The following BMP6 variants were observed in gnomAD, a reference collection of about 807,000 sequenced individuals.
The protein encoded by BMP6 is VG-1-R.
BMP6 carries 17 observed loss-of-function variants against 54.1 expected under a neutral mutation model. The observed-to-expected ratio is 0.31, with a 90% confidence interval of 0.22 to 0.47. The LOEUF (loss-of-function observed/expected upper bound fraction) is 0.47, where lower values mean the gene tolerates loss of function less well. Among genes scored for constraint, BMP6 ranks in the 20% least tolerant of loss-of-function variants. The probability of loss-of-function intolerance (pLI) is 1.00; values close to 1 mark genes in which losing one functional copy is unlikely to be tolerated. For synonymous variants in BMP6, 328 were observed against 291.2 expected (o/e 1.13, Z -1.28); for missense variants, 720 against 690.4 (o/e 1.04, Z -0.48).
chr6:7,814,495 TTTC>T, intron 1 of BMP6, among the ~76,000 whole-genome samples: 1 of 152,346 alleles, frequency 6.6e-6, no homozygotes. Context: ...GAGTGTTTTT[TTTC>T]TTCTTTCACA....
intron 2 of BMP6, among the ~76,000 whole-genome samples, chr6:7,853,146 G>A (rs536531767): frequency 1.3e-5 from 2 of 152,126 alleles, no homozygotes; most frequent in Non-Finnish European, 1.5e-5. Flanking sequence ...TCTCCCTGAG[G>A]TCTTGACCCA....
chr6:7,838,142 A>G (rs1758903455), intron 1 of BMP6, among the ~76,000 whole-genome samples: 1 of 152,032 alleles, frequency 6.6e-6, no homozygotes, highest in South Asian at 2.1e-4. Context: ...AGTATAGTAT[A>G]GTAAGATATT....
chr6:7,742,992 G>A (rs1757292358), intron 1 of BMP6, among the ~76,000 whole-genome samples: 1 of 152,152 alleles, frequency 6.6e-6, no homozygotes, highest in Non-Finnish European at 1.5e-5. Flanking sequence ...AGGATATAGT[G>A]TAGTCTTAGG....
chr6:7,757,014 C>A (rs1757524874), intron 1 of BMP6, among the ~76,000 whole-genome samples: 1 of 152,182 alleles, frequency 6.6e-6, no homozygotes, highest in Non-Finnish European at 1.5e-5. Flanking sequence ...GGAGCGCTCT[C>A]TCTATGTAGC....
At chr6:7,774,577 G>A (rs919524743) in intron 1 of BMP6, among the ~76,000 whole-genome samples, 1 of 152,026 alleles carries the variant, frequency 6.6e-6, no homozygotes, top group Non-Finnish European at 1.5e-5. Flanking sequence ...TTAGCCAGGT[G>A]TGGTGGCACA....
At position 7,801,916 on chromosome 6, in the gene BMP6, C is replaced by T. The variant is rs141133379; in HGVS notation, c.665-43224C>T. 5.3e-5 allele frequency among the ~76,000 whole-genome samples: 8 copies of T among 152,232 alleles called. No individual in the cohort carries two copies. In the South Asian group the frequency reaches 1.0e-3, roughly 20 times the overall value. ...GGTCCTATACTACAATTGATGAATC[C>T]GGTCAGCTTGCTCTAGGTCAGGGAG... On this transcript the variant is annotated intron_variant, in intron 1 of 6. Coordinates refer to ENST00000283147, the MANE Select transcript of BMP6 (RefSeq NM_001718.6).
intron 1 of BMP6, among the ~76,000 whole-genome samples, chr6:7,799,124 G>T (rs1490711388): frequency 6.6e-6 from 1 of 152,164 alleles, no homozygotes; most frequent in African/African-American, 2.4e-5. Context: ...CCAAGGTTTT[G>T]GATGGCAAAA....
chr6:7,801,905 A>G (rs1371691570), intron 1 of BMP6, among the ~76,000 whole-genome samples: 1 of 152,170 alleles, frequency 6.6e-6, no homozygotes, highest in African/African-American at 2.4e-5. Flanking sequence ...CTATACTACA[A>G]TTGATGAATC....
chr6:7,848,817 T>A (rs1161392609), intron 2 of BMP6, among the ~76,000 whole-genome samples: 1 of 152,214 alleles, frequency 6.6e-6, no homozygotes, highest in East Asian at 1.9e-4. Flanking sequence ...ATGACTTTGG[T>A]ATTAAAATTT....
At chr6:7,808,145 TTCCTGACCTTGTGA>T (rs1021291213) in intron 1 of BMP6, among the ~76,000 whole-genome samples, 43 of 151,604 alleles carry the variant, frequency 2.8e-4, no homozygotes, top group Admixed American at 2.4e-3. Context: ...TGGTCTTGAT[TTCCTGACCTTGTGA>T]TCTGCCCACC....
chr6:7,875,647 GACAGAGCAAA>G (rs1487256628), intron 4 of BMP6, among the ~76,000 whole-genome samples: 1 of 152,152 alleles, frequency 6.6e-6, no homozygotes, highest in African/African-American at 2.4e-5. Flanking sequence ...CAGCTTGCGT[GACAGAGCAAA>G]ACCCCATTGC....
intron 2 of BMP6, among the ~76,000 whole-genome samples, chr6:7,856,120 T>TAAAAAAAAAAAA (rs56264814): frequency 1.2e-5 from 1 of 83,658 alleles, no homozygotes; most frequent in Non-Finnish European, 2.2e-5. Context: ...TCAAAGACTG[T>TAAAAAAAAAAAA]AAAAAAAAAA....
intron 1 of BMP6, among the ~76,000 whole-genome samples, chr6:7,746,354 G>A (rs1757346704): frequency 6.6e-6 from 1 of 152,204 alleles, no homozygotes; most frequent in Non-Finnish European, 1.5e-5. Context: ...AATGACTGAT[G>A]TGTGCTTTGG....
intron 1 of BMP6, among the ~76,000 whole-genome samples, chr6:7,791,489 G>GTCCTTGGCCCTCTCTGCTTC (rs1450718571): frequency 6.6e-6 from 1 of 152,058 alleles, no homozygotes; most frequent in African/African-American, 2.4e-5. Context: ...TTCAGGCACT[G>GTCCTTGGCCCTCTCTGCTTC]TCCTTGGCCC....
intron 1 of BMP6, among the ~76,000 whole-genome samples, chr6:7,834,521 A>T (rs921118165): frequency 2.7e-5 from 4 of 149,434 alleles, no homozygotes; most frequent in African/African-American, 9.8e-5. Context: ...AGCAATTTGA[A>T]TTTTTTTTTT....
intron 1 of BMP6, among the ~76,000 whole-genome samples, chr6:7,783,380 T>C (rs1349006785): frequency 6.6e-6 from 1 of 152,268 alleles, no homozygotes; most frequent in Non-Finnish European, 1.5e-5. Context: ...TGACGCTGTA[T>C]ATTTTTATTG....
chr6:7,755,742 A>C (rs1409237728), intron 1 of BMP6, among the ~76,000 whole-genome samples: 1 of 152,058 alleles, frequency 6.6e-6, no homozygotes, highest in Non-Finnish European at 1.5e-5. Context: ...TACTGGTGAT[A>C]AATCCCCTCA....
intron 1 of BMP6, among the ~76,000 whole-genome samples, chr6:7,835,816 G>A (rs1758865997): frequency 6.6e-6 from 1 of 151,864 alleles, no homozygotes; most frequent in African/African-American, 2.4e-5. Context: ...TATAGTGGTA[G>A]CTACTGAGCA....
chr6:7,821,867 C>T (rs147931840), intron 1 of BMP6, among the ~76,000 whole-genome samples: 2 of 152,148 alleles, frequency 1.3e-5, no homozygotes, highest in Non-Finnish European at 2.9e-5. Flanking sequence ...AAGGTCTATA[C>T]AGAGGGACTT....
Sources: allele counts gnomAD v4.1 joint callset (sites outside exome capture counted in the v4.1 genomes callset), GRCh38; gene constraint gnomAD v4.1.1; transcripts MANE v1.5; gene names NCBI Gene and HGNC (gene_info 2026-07-23, HGNC 2026-07-21).